GALNT13: variants seen among roughly 807,000 people sequenced by gnomAD.
The protein encoded by GALNT13 is polypeptide N-acetylgalactosaminyltransferase 13, also known as UDP-GalNAc:polypeptide N-acetylgalactosaminyltransferase 13.
In GALNT13, 28 loss-of-function variants were observed where a neutral mutation model predicts 64.2. The ratio of observed to expected loss-of-function variants is 0.44; its 90% CI spans 0.32 to 0.60. The LOEUF (loss-of-function observed/expected upper bound fraction) is 0.60, where lower values mean the gene tolerates loss of function less well. Ranked by LOEUF, GALNT13 falls within the 20% of genes least tolerant of loss-of-function variation. GALNT13 has a pLI of 0.05. For missense variants in GALNT13, 577 were observed against 669.8 expected (o/e 0.86, Z 1.53); for synonymous variants, 214 against 224.6 (o/e 0.95, Z 0.42).
chr2:153,132,775 A>G, the GALNT13 span, among the ~76,000 whole-genome samples: 662 of 152,274 alleles, frequency 4.3e-3, 10 homozygotes, highest in Admixed American at 0.03. Flanking sequence ...GCTGGAGTGC[A>G]GTGGTGTGAA....
chr2:153,878,944 A>G (rs1236984331), intron 1 of GALNT13, among the ~76,000 whole-genome samples: 2 of 152,302 alleles, frequency 1.3e-5, no homozygotes, highest in East Asian at 3.9e-4. Flanking sequence ...AGCAGGTTGT[A>G]AATCCAAATT....
the GALNT13 span, among the ~76,000 whole-genome samples, chr2:153,617,575 A>C: frequency 6.6e-6 from 1 of 152,034 alleles, no homozygotes; most frequent in South Asian, 2.1e-4. Flanking sequence ...CTGGCCTTGT[A>C]TCAGTTTGGA....
At chr2:154,122,308 T>C (rs1295170752) in intron 3 of GALNT13, among the ~76,000 whole-genome samples, 1 of 152,018 alleles carries the variant, frequency 6.6e-6, no homozygotes, top group Non-Finnish European at 1.5e-5. Context: ...TTTATTCAAA[T>C]TGGGTTTAGA....
the GALNT13 span, among the ~76,000 whole-genome samples, chr2:153,253,794 C>A: frequency 1.3e-5 from 2 of 151,010 alleles, no homozygotes; most frequent in Non-Finnish European, 3.0e-5. Context: ...TATATTGAAT[C>A]AGCCCTGCAT....
At chr2:154,146,344 AC>A (rs1683599678) in intron 4 of GALNT13, among the ~76,000 whole-genome samples, 1 of 151,924 alleles carries the variant, frequency 6.6e-6, no homozygotes, top group African/African-American at 2.4e-5. Flanking sequence ...TATGCAGAAA[AC>A]ATGCCACATA....
At chr2:154,233,035 C>G in intron 4 of GALNT13, among the ~76,000 whole-genome samples, 1 of 103,872 alleles carries the variant, frequency 9.6e-6, no homozygotes, top group Non-Finnish European at 1.8e-5. Flanking sequence ...GTGACCCTGT[C>G]TCAAAAAAAA....
At chr2:154,243,831 A>G (rs1207694052) in intron 6 of GALNT13, among the ~76,000 whole-genome samples, 1 of 152,212 alleles carries the variant, frequency 6.6e-6, no homozygotes, top group African/African-American at 2.4e-5. Flanking sequence ...TAGACACTCA[A>G]GATAGGAGCT....
At chr2:153,955,890 C>A (rs1008396423) in intron 3 of GALNT13, among the ~76,000 whole-genome samples, 2 of 152,128 alleles carry the variant, frequency 1.3e-5, no homozygotes, top group African/African-American at 4.8e-5. Flanking sequence ...GGGGCCCTAC[C>A]AAGGGACACG....
intron 3 of GALNT13, among the ~76,000 whole-genome samples, chr2:153,985,128 G>T (rs1694710194): frequency 6.6e-6 from 1 of 151,956 alleles, no homozygotes; most frequent in Non-Finnish European, 1.5e-5. Context: ...TAAACTTTCT[G>T]TAAGTACCAA....
intron 9 of GALNT13, among the ~76,000 whole-genome samples, chr2:154,366,813 A>G (rs1196113313): frequency 2.0e-5 from 3 of 152,190 alleles, no homozygotes; most frequent in Non-Finnish European, 1.5e-5. Context: ...AGTTACACAA[A>G]AAAGCAAGTC....
chr2:154,059,517 T>C (rs539392229), intron 3 of GALNT13, among the ~76,000 whole-genome samples: 2 of 152,324 alleles, frequency 1.3e-5, no homozygotes, highest in South Asian at 2.1e-4. Flanking sequence ...TACCAAATTG[T>C]ATATGCACCA....
chr2:154,158,238 G>A (rs757323559), intron 4 of GALNT13, among the ~76,000 whole-genome samples: 11 of 152,038 alleles, frequency 7.2e-5, no homozygotes, highest in African/African-American at 9.7e-5. Context: ...ACAAAGCCTC[G>A]TATTTTCAGG....
intron 3 of GALNT13, among the ~76,000 whole-genome samples, chr2:154,037,047 T>C (rs1025309140): frequency 1.3e-5 from 2 of 152,166 alleles, no homozygotes; most frequent in Admixed American, 6.6e-5. Context: ...TAACCTTTTA[T>C]GGTTTAAAAA....
the GALNT13 span, among the ~76,000 whole-genome samples, chr2:153,597,129 C>A: frequency 6.6e-6 from 1 of 152,100 alleles, no homozygotes; most frequent in African/African-American, 2.4e-5. Flanking sequence ...CTCTGGCCTC[C>A]TTTGCTTTTC....
chr2:153,461,798 T>A, the GALNT13 span, among the ~76,000 whole-genome samples: 1 of 152,054 alleles, frequency 6.6e-6, no homozygotes, highest in Non-Finnish European at 1.5e-5. Context: ...AATGGAAAGA[T>A]AAGAACGAGA....
intron 7 of GALNT13, 118 bp downstream of exon 7, chr2:154,246,100 T>C: frequency 1.6e-6 from 1 of 610,370 alleles, no homozygotes; most frequent in Non-Finnish European, 2.7e-6. Context: ...AATATACATA[T>C]ACATTATGAC....
chr2:153,630,153 T>C, the GALNT13 span, among the ~76,000 whole-genome samples: 2 of 151,714 alleles, frequency 1.3e-5, no homozygotes. Context: ...ACTGGGTATA[T>C]ACCCAAAGGA....
intron 3 of GALNT13, among the ~76,000 whole-genome samples, chr2:154,074,401 G>T (rs1343146813): frequency 6.6e-6 from 1 of 151,906 alleles, no homozygotes; most frequent in African/African-American, 2.4e-5. Flanking sequence ...AACATTTATT[G>T]AGGACAATTA....
At chr2:153,956,119 G>C (rs1395959960) in intron 3 of GALNT13, among the ~76,000 whole-genome samples, 3 of 152,162 alleles carry the variant, frequency 2.0e-5, no homozygotes, top group African/African-American at 4.8e-5. Context: ...TACACATTGA[G>C]GAACACCAAT....
Sources: gnomAD v4.1 joint callset for allele counts (sites outside exome capture counted in the v4.1 genomes callset) on GRCh38, gnomAD v4.1.1 for gene constraint, MANE v1.5 for transcripts, NCBI Gene and HGNC (gene_info 2026-07-23, HGNC 2026-07-21) for gene names.